OTOP3: variants seen among roughly 807,000 people sequenced by gnomAD.
OTOP3 encodes proton channel OTOP3.
In OTOP3, 41 loss-of-function variants were observed where a neutral mutation model predicts 50.8. The observed-to-expected ratio is 0.81, with a 90% CI of 0.63 to 1.05. OTOP3 has a LOEUF of 1.05. Among genes scored for constraint, OTOP3 ranks in the 50% least tolerant of loss-of-function variants. The pLI, the probability that OTOP3 is intolerant of heterozygous loss-of-function variation, is 0.00. For missense variants in OTOP3, 788 were observed against 760.8 expected, an observed-to-expected ratio of 1.04 and a Z score of -0.42; for synonymous variants, 320 against 324.4, an observed-to-expected ratio of 0.99 and a Z score of 0.14.
At chr17:74,943,208 A>T in intron 3 of OTOP3, 78 bp from the exon 4 acceptor site, 1 of 1,247,448 alleles carries the variant, frequency 8.0e-7, no homozygotes, top group Non-Finnish European at 1.2e-6. Flanking sequence ...CTGTAAATAC[A>T]CGCATGCGCC....
At position 74,949,745 on chromosome 17, in the gene OTOP3, A is replaced by C; in HGVS notation, c.*329A>C. The C allele has an allele frequency of 1.5e-5, 4 of 273,442 alleles. No homozygotes were observed. Among genetic ancestry groups the C allele is most frequent in the East Asian group, 7.6e-5 (1 of 13,126 alleles). The allele number at this position is 273,442 out of a possible 1,614,324, so 16.9% of individuals were successfully genotyped here. A position where few individuals can be genotyped will look rare whatever the true frequency, so the allele number is the denominator to read the frequency against. On this transcript the variant is annotated 3_prime_UTR_variant, in exon 7 of 7. Transcript: ENST00000328801. Reference sequence around the variant, plus strand: ...TACTCTGTGGGAGGGTCAGACCTACATGACCGAGTCTGGGGAGCTTGGCGA... The same window carrying C: ...TACTCTGTGGGAGGGTCAGACCTACCTGACCGAGTCTGGGGAGCTTGGCGA...
intron 3 of OTOP3, among the ~76,000 whole-genome samples, chr17:74,942,508 G>A (rs1027636243): frequency 6.6e-6 from 1 of 152,148 alleles, no homozygotes; most frequent in African/African-American, 2.4e-5. Context: ...GCGCACGCCT[G>A]TAGTCCCAGC....
chr17:74,940,004 G>A (rs553485897), intron 1 of OTOP3, among the ~76,000 whole-genome samples: 1 of 151,768 alleles, frequency 6.6e-6, no homozygotes, highest in Non-Finnish European at 1.5e-5. Context: ...GATTTCCTGG[G>A]CTCAAGCCAT....
chr17:74,947,446 T>G lies in OTOP3; in HGVS notation c.1537T>G (p.Ser513Ala), dbSNP rs151037122. ...NWKRRALKEI[S>A]LFLILCNITL... ...GAAGCGGAGGGCACTCAAGGAGATC[T>G]CACTCTTCCTCATCCTCTGCAATAT... Residue 513 changes from serine (S) to alanine (A), a missense_variant, in exon 6 of 7, where the codon TCA becomes GCA. Coordinates refer to ENST00000328801, the MANE Select transcript of OTOP3 (RefSeq NM_001272005.2). 5.1e-4 allele frequency: 824 copies of G among 1,608,576 alleles called. No homozygotes were observed. Among genetic ancestry groups the G allele is most frequent in the Non-Finnish European group, 5.0e-4 (587 of 1,177,180 alleles).
chr17:74,943,504 G>C (rs1267295763), intron 4 of OTOP3, 102 bp from the exon 5 acceptor site: 2 of 1,348,706 alleles, frequency 1.5e-6, no homozygotes, highest in Non-Finnish European at 2.1e-6. Flanking sequence ...TAGGGAGTGA[G>C]TGGTTGGGAG....
chr17:74,944,744 T>G (rs1489498885), intron 5 of OTOP3, among the ~76,000 whole-genome samples: 1 of 151,792 alleles, frequency 6.6e-6, no homozygotes, highest in Non-Finnish European at 1.5e-5. Flanking sequence ...GTGACAAGAG[T>G]GAAACTGTCA....
At chr17:74,943,845 G>T in intron 5 of OTOP3, 121 bp downstream of exon 5, 4 of 834,154 alleles carry the variant, frequency 4.8e-6, no homozygotes, top group Non-Finnish European at 7.5e-6. Flanking sequence ...CTATAGAGTT[G>T]GGAGCAAACT....
In OTOP3 at chr17:74,946,979, A is replaced by G. The variant is rs774678156; in HGVS notation, c.1070A>G (p.Tyr357Cys). Residue 357 changes from tyrosine to cysteine, a missense_variant, in exon 6 of 7, where the codon TAC becomes TGC. Coordinates refer to ENST00000328801, the MANE Select transcript of OTOP3 (RefSeq NM_001272005.2). Reference sequence around the variant, plus strand: ...ATTGCTTGCCAGTACTTCACCCTCTACTATGCCTTCTATGTGGCTGTGCTG... The same window carrying G: ...ATTGCTTGCCAGTACTTCACCCTCTGCTATGCCTTCTATGTGGCTGTGCTG... Reference protein sequence around the residue: ...PAIACQYFTLYYAFYVAVLPT... With the variant: ...PAIACQYFTLCYAFYVAVLPT... 3 of 1,613,626 alleles carry G rather than the reference A, an allele frequency of 1.9e-6. No individual in the cohort carries two copies. The highest frequency in any genetic ancestry group is 2.5e-6 in the Non-Finnish European group (3 of 1,180,016).
At chr17:74,942,556 A>G (rs1056456062) in intron 3 of OTOP3, among the ~76,000 whole-genome samples, 2 of 150,878 alleles carry the variant, frequency 1.3e-5, no homozygotes, top group Non-Finnish European at 3.0e-5. Flanking sequence ...GCTTGAACCC[A>G]GGAGGCAGAG....
chr17:74,944,217 C>T (rs958674578), intron 5 of OTOP3, among the ~76,000 whole-genome samples: 2 of 152,154 alleles, frequency 1.3e-5, no homozygotes, highest in African/African-American at 4.8e-5. Flanking sequence ...CCATACCCTA[C>T]ATGGGAACAC....
chr17:74,939,342 G>A (rs796895008), intron 1 of OTOP3, among the ~76,000 whole-genome samples: 5 of 152,260 alleles, frequency 3.3e-5, no homozygotes, highest in African/African-American at 1.2e-4. Flanking sequence ...TAGGAAGCAA[G>A]AGAATGGGAG....
Position 74,941,382 on chromosome 17 carries a change from T to C in OTOP3, c.20-11T>C. 1 of 1,475,586 alleles carries C rather than the reference T, an allele frequency of 6.8e-7. No individual in the cohort carries two copies. Among genetic ancestry groups the C allele is most frequent in the Non-Finnish European group, 9.0e-7 (1 of 1,110,786 alleles). The allele number at this position is 1,475,586 out of a possible 1,614,324, so 91.4% of individuals were successfully genotyped here. ...CTGGCAGTTAACCCAGGACCCTTTC[T>C]CCATCTCCAGCCCCTGCTGAGGCTA... On this transcript the variant is annotated splice_polypyrimidine_tract_variant and intron_variant, in intron 1 of 6. Coordinates refer to ENST00000328801, the MANE Select transcript of OTOP3 (RefSeq NM_001272005.2).
rs1437825567 is a variant in OTOP3 at position 74,946,895 on chromosome 17, T to C, written c.986T>C (p.Val329Ala). The change falls in exon 6 of 7, where the codon GTG becomes GCG. Residue 329 changes from valine (V) to alanine (A), a missense_variant. Physicochemically the swap from Val to Ala is moderately conservative, Grantham distance 64. Coordinates refer to ENST00000328801, the MANE Select transcript of OTOP3 (RefSeq NM_001272005.2). ...AIFGPLLGLL[V>A]LLAGVCVFVL... ...TTCGGGCCGCTGCTGGGCCTGCTGG[T>C]GCTGCTGGCAGGTGTGTGCGTCTTT... 1 of 1,611,532 alleles carries C rather than the reference T, an allele frequency of 6.2e-7. No homozygotes were observed. The highest frequency in any genetic ancestry group is 1.1e-5 in the South Asian group (1 of 91,090).
intron 1 of OTOP3, among the ~76,000 whole-genome samples, chr17:74,938,493 G>A (rs953669270): frequency 6.6e-6 from 1 of 152,142 alleles, no homozygotes; most frequent in East Asian, 1.9e-4. Flanking sequence ...TTACCCAAGG[G>A]GCAAAAGGGG....
chr17:74,941,374 A>T lies in OTOP3; in HGVS notation c.20-19A>T. 6.8e-7 allele frequency: 1 copy of T among 1,467,748 alleles called. No individual in the cohort carries two copies. Among genetic ancestry groups the T allele is most frequent in the South Asian group, 1.4e-5 (1 of 69,628 alleles). 90.9% of individuals were successfully genotyped at this position (1,467,748 alleles called of 1,614,324 possible). A position where few individuals can be genotyped will look rare whatever the true frequency, so the allele number is the denominator to read the frequency against. ...AGGACAGCCTGGCAGTTAACCCAGG[A>T]CCCTTTCTCCATCTCCAGCCCCTGC... On this transcript the variant is annotated intron_variant, in intron 1 of 6. Transcript: ENST00000328801.
At position 74,949,672 on chromosome 17, in the gene OTOP3, G is replaced by A. The variant is rs971553797; in HGVS notation, c.*256G>A. The A allele has an allele frequency of 4.2e-5, 20 of 479,134 alleles. No homozygotes were observed. The highest frequency in any genetic ancestry group is 3.4e-4 in the Admixed American group (9 of 26,606). 29.7% of individuals were successfully genotyped at this position (479,134 alleles called of 1,614,324 possible). On this transcript the variant is annotated 3_prime_UTR_variant, in exon 7 of 7. Transcript: ENST00000328801. ...GCCCCCTGCCTTCCCACCACGATCC[G>A]CAAGCCAAGGGTGCACCCCAGGAGG...
At chr17:74,949,180 C>T in intron 6 of OTOP3, 66 bp from the exon 7 acceptor site, 1 of 1,562,690 alleles carries the variant, frequency 6.4e-7, no homozygotes, top group Non-Finnish European at 8.7e-7. Context: ...GGGGCTGCCT[C>T]CCCTGAACTG....
At position 74,941,922 on chromosome 17, in the gene OTOP3, G is replaced by A. The variant is rs766770915; in HGVS notation, c.458G>A (p.Ser153Asn). 6.2e-7 allele frequency: 1 copy of A among 1,610,740 alleles called. No individual in the cohort carries two copies. The highest frequency in any genetic ancestry group is 1.1e-5 in the South Asian group (1 of 90,840). Reference protein sequence around the residue: ...WVRGSLVLFGSCTFCLNIFRV... With the variant: ...WVRGSLVLFGNCTFCLNIFRV... The stretch of plus-strand genomic sequence containing the variant: ...CCAGGTTCCCTAGTGCTCTTCGGCA[G>A]CTGCACCTTCTGCCTCAACATCTTC... The change falls in exon 3 of 7, where the codon AGC becomes AAC. Residue 153 changes from serine (S) to asparagine (N), a missense_variant. Coordinates refer to ENST00000328801, the MANE Select transcript of OTOP3 (RefSeq NM_001272005.2).
At chr17:74,949,220 C>G (rs965573622) in intron 6 of OTOP3, 26 bp from the exon 7 acceptor site, 1 of 1,609,692 alleles carries the variant, frequency 6.2e-7, no homozygotes, top group Non-Finnish European at 8.5e-7. Flanking sequence ...GAGCCCTTCC[C>G]TAACTCAGCA....
Sources: allele counts gnomAD v4.1 joint callset (sites outside exome capture counted in the v4.1 genomes callset), GRCh38; gene constraint gnomAD v4.1.1; transcripts MANE v1.5; gene names NCBI Gene and HGNC (gene_info 2026-07-23, HGNC 2026-07-21).